SMG1: variants seen among roughly 807,000 people sequenced by gnomAD.
The protein encoded by SMG1 is SMG1 nonsense mediated mRNA decay associated PI3K related kinase.
A neutral mutation model predicts 419.9 loss-of-function variants in SMG1; 22 were observed. The ratio of observed to expected loss-of-function variants is 0.05; its 90% confidence interval spans 0.04 to 0.07. The LOEUF (loss-of-function observed/expected upper bound fraction) is 0.07, where lower values mean the gene tolerates loss of function less well. SMG1 is among the 10% of genes least tolerant of loss of function. The pLI, the probability that SMG1 is intolerant of heterozygous loss-of-function variation, is 1.00. For missense variants in SMG1, 3,185 were observed against 4,342.0 expected (o/e 0.73, Z 7.49); for synonymous variants, 1,538 against 1,553.5 (o/e 0.99, Z 0.23).
Position 18,842,284 on chromosome 16 carries a change from G to A in SMG1, c.6390C>T (p.Ile2130=). 1 of 1,614,006 alleles carries A rather than the reference G, an allele frequency of 6.2e-7. No individual in the cohort carries two copies. Among genetic ancestry groups the A allele is most frequent in the South Asian group, 1.1e-5 (1 of 91,084 alleles). Residue 2130 remains isoleucine, a synonymous_variant, in exon 40 of 63, where the codon ATC becomes ATT. Coordinates refer to ENST00000446231, the MANE Select transcript of SMG1 (RefSeq NM_015092.5). ...TCTTTGGCTTGGTTTTAGTCGGTAA[G>A]ATTGTGATGGTTCCGCCCACACTAT... ...TIHSVGGTIT[I]LPTKTKPKKL...
rs748425991 is a variant in SMG1 at position 18,925,985 on chromosome 16, G to A, written c.57C>T (p.Thr19=). Residue 19 remains threonine (T), a synonymous_variant, in exon 1 of 63, where the codon ACC becomes ACT. Coordinates refer to ENST00000446231, the MANE Select transcript of SMG1 (RefSeq NM_015092.5). The part of the protein sequence containing the change: ...RLSSGGGGGG[T]KYPRSWNDWQ... ...AGTCATTCCAGCTCCGCGGATACTT[G>A]GTGCCGCCGCCGCCGCCGCCGCTGC... 8.2e-6 allele frequency: 13 copies of A among 1,578,040 alleles called. No homozygotes were observed. The highest frequency in any genetic ancestry group is 1.1e-5 in the Non-Finnish European group (13 of 1,168,498).
intron 36 of SMG1, 22 bp downstream of exon 36, chr16:18,849,195 G>C: frequency 6.6e-7 from 1 of 1,506,160 alleles, no homozygotes; most frequent in Non-Finnish European, 9.0e-7. Flanking sequence ...ACTCAAAGTA[G>C]CAATATTTGA....
Position 18,847,563 on chromosome 16 carries a change from C to G in SMG1, c.5886G>C (p.Trp1962Cys). 1 of 1,613,970 alleles carries G rather than the reference C, an allele frequency of 6.2e-7. No homozygotes were observed. Among genetic ancestry groups the G allele is most frequent in the South Asian group, 1.1e-5 (1 of 91,086 alleles). ...VAELRRVTVL[W>C]DELWLGVLLQ... ...GCAAAACTCCCAGCCAGAGCTCATCCCAGAGCACAGTGACCCTGCGCAGTT... is the reference window on the plus strand; with the variant it reads ...GCAAAACTCCCAGCCAGAGCTCATCGCAGAGCACAGTGACCCTGCGCAGTT... The change falls in exon 38 of 63, where the codon TGG (tryptophan) becomes TGC (cysteine). Residue 1962 changes from tryptophan to cysteine, a missense_variant. Physicochemically the swap from Trp to Cys is radical, Grantham distance 215 (BLOSUM62 -2). Coordinates refer to ENST00000446231, the MANE Select transcript of SMG1 (RefSeq NM_015092.5).
intron 39 of SMG1, 52 bp downstream of exon 39, chr16:18,845,377 C>A: frequency 2.0e-6 from 3 of 1,490,876 alleles, no homozygotes; most frequent in Non-Finnish European, 1.8e-6. Flanking sequence ...TTTCGTATCT[C>A]ATGGGAACTG....
At chr16:18,851,496 G>T (rs904726144) in intron 33 of SMG1, among the ~76,000 whole-genome samples, 2 of 152,224 alleles carry the variant, frequency 1.3e-5, no homozygotes, top group Non-Finnish European at 2.9e-5. Context: ...CAAGGATTAA[G>T]AACTTACAAT....
chr16:18,813,694 T>C (rs1360448963), intron 60 of SMG1, among the ~76,000 whole-genome samples: 1 of 152,208 alleles, frequency 6.6e-6, no homozygotes, highest in Non-Finnish European at 1.5e-5. Context: ...ATTTTGGCTT[T>C]TGTTGCCATT....
At chr16:18,895,795 T>G (rs1234463479) in intron 3 of SMG1, among the ~76,000 whole-genome samples, 1 of 152,192 alleles carries the variant, frequency 6.6e-6, no homozygotes, top group Non-Finnish European at 1.5e-5. Context: ...CTATGCACTA[T>G]ACATTCAATA....
intron 51 of SMG1, among the ~76,000 whole-genome samples, chr16:18,831,437 T>C (rs917587887): frequency 2.6e-5 from 4 of 152,138 alleles, no homozygotes; most frequent in African/African-American, 4.8e-5. Context: ...TGTATGAGGA[T>C]AAGGGGAACC....
chr16:18,926,175 AG>A lies in SMG1; in HGVS notation c.-135del. The A allele has an allele frequency of 5.5e-6, 4 of 722,146 alleles. No homozygotes were observed. The highest frequency in any genetic ancestry group is 3.3e-5 in the Admixed American group (1 of 30,504). The allele number at this position is 722,146 out of a possible 1,614,324, so 44.7% of individuals were successfully genotyped here. On this transcript the variant is annotated 5_prime_UTR_variant, in exon 1 of 63. Transcript: ENST00000446231. Reference sequence around the variant, plus strand: ...GCCGAGAAGGAGGAGGAGGAGGAGGAGGAGGAGAAGGAGGAGGCGGCGGAGG... The same window carrying A: ...GCCGAGAAGGAGGAGGAGGAGGAGGAGAGGAGAAGGAGGAGGCGGCGGAGG...
At chr16:18,895,997 G>A in intron 3 of SMG1, 55 bp downstream of exon 3, 1 of 1,475,020 alleles carries the variant, frequency 6.8e-7, no homozygotes. Flanking sequence ...AGAATAAGAG[G>A]AGATACAAGT....
chr16:18,854,978 T>C, intron 29 of SMG1, 74 bp from the exon 30 acceptor site: 3 of 1,443,762 alleles, frequency 2.1e-6, no homozygotes. Flanking sequence ...GCCAAAAAAT[T>C]ATTCCCCAAC....
intron 1 of SMG1, among the ~76,000 whole-genome samples, chr16:18,918,285 A>AACAG (rs1421742918): frequency 6.6e-6 from 1 of 152,042 alleles, no homozygotes; most frequent in Non-Finnish European, 1.5e-5. Flanking sequence ...CAAACAAACA[A>AACAG]ACAAAGAAAA....
intron 1 of SMG1, among the ~76,000 whole-genome samples, chr16:18,916,217 A>G (rs1234586448): frequency 2.0e-5 from 3 of 151,638 alleles, no homozygotes; most frequent in South Asian, 2.1e-4. Context: ...TACAAGATGG[A>G]AAAGAATAAC....
At chr16:18,919,661 C>CACAA (rs1567466859) in intron 1 of SMG1, among the ~76,000 whole-genome samples, 2 of 17,758 alleles carry the variant, frequency 1.1e-4, no homozygotes, top group Admixed American at 1.2e-3. Flanking sequence ...TATATATACA[C>CACAA]ACACACACAC....
chr16:18,849,178 C>T (rs758174893), intron 36 of SMG1, 39 bp downstream of exon 36: 79 of 1,389,712 alleles, frequency 5.7e-5, no homozygotes, highest in Non-Finnish European at 7.2e-5. Flanking sequence ...TTGGCACAGT[C>T]ATTTATACTC....
chr16:18,882,276 T>C lies in SMG1; in HGVS notation c.1182A>G (p.Ser394=). ...VDEDVPPPSV[S]LPKLAALLRV... ...GGAGAAGTGCAGCCAGCTTTGGTAA[T>C]GACACTGATGGAGGAGGGACATCTT... The change falls in exon 10 of 63, where the codon TCA becomes TCG. Residue 394 remains serine, a synonymous_variant. Coordinates refer to ENST00000446231, the MANE Select transcript of SMG1 (RefSeq NM_015092.5). 6.2e-7 allele frequency: 1 copy of C among 1,610,444 alleles called. No individual in the cohort carries two copies. The highest frequency in any genetic ancestry group is 8.5e-7 in the Non-Finnish European group (1 of 1,179,158).
intron 1 of SMG1, among the ~76,000 whole-genome samples, chr16:18,912,920 G>A (rs953092333): frequency 1.3e-5 from 2 of 151,876 alleles, no homozygotes; most frequent in Admixed American, 6.6e-5. Context: ...TTTTCTTCAC[G>A]TTTATACAAC....
Position 18,865,884 on chromosome 16 carries a change from A to C in SMG1, c.3350+737T>G, listed in dbSNP as rs541504099. Reference sequence around the variant, plus strand: ...TTTCACCATGTTAGGCTAGTCTCAAACTCCTGACCTCAGGTGATCCACCTG... The same window carrying C: ...TTTCACCATGTTAGGCTAGTCTCAACCTCCTGACCTCAGGTGATCCACCTG... On this transcript the variant is annotated intron_variant, in intron 23 of 62. Coordinates refer to ENST00000446231, the MANE Select transcript of SMG1 (RefSeq NM_015092.5). Among the ~76,000 whole-genome samples the C allele has an allele frequency of 6.3e-4, 96 of 151,986 alleles. 4 individuals are homozygous for C. The South Asian group carries it at 0.019, about 30-fold the overall frequency.
intron 6 of SMG1, among the ~76,000 whole-genome samples, chr16:18,887,093 A>G (rs1490297670): frequency 2.0e-5 from 3 of 152,198 alleles, no homozygotes; most frequent in Non-Finnish European, 4.4e-5. Context: ...GAGAAAATAA[A>G]ACTGTGGCAA....
Sources: gnomAD v4.1 joint callset for allele counts (sites outside exome capture counted in the v4.1 genomes callset) on GRCh38, gnomAD v4.1.1 for gene constraint, MANE v1.5 for transcripts, NCBI Gene and HGNC (gene_info 2026-07-23, HGNC 2026-07-21) for gene names.